The following ANKS1A variants were observed in gnomAD, a reference collection of about 807,000 sequenced individuals.
ANKS1A encodes the protein ankyrin repeat and sterile alpha motif domain containing 1A.
ANKS1A carries 55 observed loss-of-function variants against 120.3 expected under a neutral mutation model. The observed-to-expected ratio is 0.46, with a 90% CI of 0.37 to 0.57. ANKS1A has a LOEUF of 0.57. Among genes scored for constraint, ANKS1A ranks in the 20% least tolerant of loss-of-function variants. The pLI, the probability that ANKS1A is intolerant of heterozygous loss-of-function variation, is 0.00. For missense variants in ANKS1A, 1,123 were observed against 1,480.3 expected (o/e 0.76, Z 3.96); for synonymous variants, 590 against 604.7 (o/e 0.98, Z 0.36).
chr6:34,920,518 C>T (rs570011826), intron 1 of ANKS1A, among the ~76,000 whole-genome samples: 15 of 152,238 alleles, frequency 9.9e-5, no homozygotes, highest in Admixed American at 3.3e-4. Flanking sequence ...CCTGGATAGA[C>T]TCAGCCTTCA....
chr6:35,079,516 G>A lies in ANKS1A; in HGVS notation c.2284G>A (p.Val762Met), dbSNP rs770680407. Residue 762 changes from valine (V) to methionine (M), a missense_variant and splice_region_variant, in exon 15 of 24, where the codon GTG (valine) becomes ATG (methionine). Val to Met is a conservative substitution (Grantham distance 21). Transcript: ENST00000360359. ...TTTCACCTCCCTCCTTGCCCTGTAG[G>A]TGAAGGCTCTGGGTTATGACGGGAA... is the stretch of plus-strand genomic sequence containing the variant. ...LLQAARSLPK[V>M]KALGYDGNSP... 9 of 1,613,586 alleles carry A rather than the reference G, an allele frequency of 5.6e-6. No homozygotes were observed. The South Asian group carries it at 7.7e-5, about 14-fold the overall frequency.
At chr6:34,974,550 T>TTTTTTTG in intron 3 of ANKS1A, among the ~76,000 whole-genome samples, 1 of 151,982 alleles carries the variant, frequency 6.6e-6, no homozygotes, top group East Asian at 1.9e-4. Flanking sequence ...CTTATCTTAG[T>TTTTTTTG]TTTTTTGTTT....
At chr6:34,910,579 G>A (rs1021294743) in intron 1 of ANKS1A, among the ~76,000 whole-genome samples, 3 of 151,814 alleles carry the variant, frequency 2.0e-5, no homozygotes, top group Non-Finnish European at 4.4e-5. Flanking sequence ...AGAATGAATG[G>A]GCTGGGTGTG....
intron 1 of ANKS1A, among the ~76,000 whole-genome samples, chr6:34,900,916 C>G (rs751176193): frequency 1.3e-5 from 2 of 151,968 alleles, no homozygotes; most frequent in Non-Finnish European, 2.9e-5. Flanking sequence ...ACGTCTATGC[C>G]AAATAATATA....
chr6:35,092,163 G>A (rs980524285), downstream of ANKS1A, among the ~76,000 whole-genome samples: 2 of 152,140 alleles, frequency 1.3e-5, no homozygotes, highest in Admixed American at 6.5e-5. Context: ...TTCATAAAGC[G>A]GGAGGGACCT....
intron 11 of ANKS1A, chr6:35,038,234 G>A (rs1304808799): frequency 2.4e-5 from 11 of 456,572 alleles, no homozygotes; most frequent in African/African-American, 1.4e-4. Context: ...GGGAAGAAAG[G>A]GAGCTTCATG....
At position 34,982,726 on chromosome 6, in the gene ANKS1A, G is replaced by A. The variant is rs377226001; in HGVS notation, c.733-26G>A. 14 of 1,613,804 alleles carry A rather than the reference G, an allele frequency of 8.7e-6. No homozygotes were observed. The highest frequency in any genetic ancestry group is 1.6e-4 in the Middle Eastern group (1 of 6,062). On this transcript the variant is annotated intron_variant, in intron 4 of 23. Transcript: ENST00000360359. This position sits in a 1 kb window ranked among gnomAD's most constrained non-coding sequence, Gnocchi z 4.9. ...CACCAAACTGTTCTGATGACATCCC[G>A]CTCTGCGCTCTCGTTTGCTTTCCAG...
At chr6:34,911,910 A>G (rs1162896284) in intron 1 of ANKS1A, among the ~76,000 whole-genome samples, 1 of 148,396 alleles carries the variant, frequency 6.7e-6, no homozygotes, top group Non-Finnish European at 1.5e-5. Context: ...TTGAAATCTC[A>G]TTGTAATAGT....
intron 1 of ANKS1A, among the ~76,000 whole-genome samples, chr6:34,901,744 T>G (rs369549779): frequency 1.3e-4 from 20 of 152,136 alleles, no homozygotes; most frequent in African/African-American, 2.2e-4. Context: ...TTCCTGGGCT[T>G]AAGAGATCTG....
the ANKS1A span, among the ~76,000 whole-genome samples, chr6:35,097,035 A>ATT: frequency 6.7e-6 from 1 of 150,224 alleles, no homozygotes. Flanking sequence ...ATTCCAGCCA[A>ATT]TTTTTTTTTT....
In ANKS1A at chr6:35,089,891, G is replaced by A. The variant is rs981491915; in HGVS notation, c.*1282G>A. 7 of 1,132,528 alleles carry A rather than the reference G, an allele frequency of 6.2e-6. No homozygotes were observed. The highest frequency in any genetic ancestry group is 7.7e-6 in the Non-Finnish European group (7 of 912,978). The allele number at this position is 1,132,528 out of a possible 1,614,324, so 70.2% of individuals were successfully genotyped here. ...CAGGCTCCGAGCTTTCCTGGCATAG[G>A]TCAATCAGGTCCCAGGATGAATAAT... On this transcript the variant is annotated 3_prime_UTR_variant, in exon 24 of 24. Transcript: ENST00000360359.
At chr6:35,053,062 G>A (rs148804046) in intron 11 of ANKS1A, among the ~76,000 whole-genome samples, 33 of 152,304 alleles carry the variant, frequency 2.2e-4, no homozygotes, top group African/African-American at 7.5e-4. Context: ...TCAGATGCAC[G>A]GCTTTGTCTG....
At chr6:34,925,070 T>G (rs1345736316) in intron 1 of ANKS1A, among the ~76,000 whole-genome samples, 1 of 152,212 alleles carries the variant, frequency 6.6e-6, no homozygotes, top group East Asian at 1.9e-4. Context: ...GCTTTTCAAG[T>G]GTTCTTATAT....
intron 8 of ANKS1A, among the ~76,000 whole-genome samples, chr6:34,988,211 G>C (rs904172204): frequency 6.6e-6 from 1 of 152,206 alleles, no homozygotes; most frequent in African/African-American, 2.4e-5. Context: ...CATATCATCT[G>C]TGGCTACTTT....
intron 10 of ANKS1A, among the ~76,000 whole-genome samples, chr6:35,005,374 G>GT (rs1302185790): frequency 6.6e-6 from 1 of 152,022 alleles, no homozygotes; most frequent in Non-Finnish European, 1.5e-5. Context: ...TGAGTTGCCT[G>GT]TTTTTTTCTA....
At chr6:34,951,986 A>G (rs1343016310) in intron 1 of ANKS1A, among the ~76,000 whole-genome samples, 1 of 152,220 alleles carries the variant, frequency 6.6e-6, no homozygotes, top group African/African-American at 2.4e-5. Context: ...GGCGGAAATG[A>G]AAGAATATGA....
intron 1 of ANKS1A, among the ~76,000 whole-genome samples, chr6:34,930,968 C>T (rs1334631623): frequency 6.6e-6 from 1 of 151,712 alleles, no homozygotes; most frequent in African/African-American, 2.4e-5. Context: ...CCTCTGCCCC[C>T]TGGGTTCAAG....
At position 34,960,758 on chromosome 6, in the gene ANKS1A, T is replaced by A. The variant is rs149181816; in HGVS notation, c.198-6481T>A. 8.5e-5 allele frequency among the ~76,000 whole-genome samples: 13 copies of A among 152,190 alleles called. No homozygotes were observed. The South Asian group carries it at 1.2e-3, about 15-fold the overall frequency. ...GCTTCAGCATCATGTGAAAGCAGGTTAGCTTTTTTGACATGCTAGGCCTCT... is the reference window on the plus strand; with the variant it reads ...GCTTCAGCATCATGTGAAAGCAGGTAAGCTTTTTTGACATGCTAGGCCTCT... On this transcript the variant is annotated intron_variant, in intron 1 of 23. Transcript: ENST00000360359.
chr6:34,896,665 C>T (rs1767100805), intron 1 of ANKS1A, among the ~76,000 whole-genome samples: 2 of 151,626 alleles, frequency 1.3e-5, no homozygotes, highest in African/African-American at 4.8e-5. Flanking sequence ...CTCGTTTCTA[C>T]AAAAAATAAA....
Sources: gnomAD v4.1 joint callset for allele counts (sites outside exome capture counted in the v4.1 genomes callset) on GRCh38, gnomAD v4.1.1 for gene constraint, Gnocchi (gnomAD v3.1) non-coding constraint, MANE v1.5 for transcripts, NCBI Gene and HGNC (gene_info 2026-07-23, HGNC 2026-07-21) for gene names.